The following RAPGEF2 variants were observed in gnomAD, a reference collection of about 807,000 sequenced individuals.
RAPGEF2 encodes the protein Rap guanine nucleotide exchange factor 2.
A neutral mutation model predicts 186.7 loss-of-function variants in RAPGEF2; 54 were observed. That is an observed-to-expected ratio of 0.29 (90% CI 0.23 to 0.36). The LOEUF is 0.36. RAPGEF2 is among the 10% of genes least tolerant of loss of function. The pLI is 1.00. For missense variants in RAPGEF2, 1,532 were observed against 2,045.0 expected (o/e 0.75, Z 4.84); for synonymous variants, 712 against 705.9 (o/e 1.01, Z -0.14).
intron 4 of RAPGEF2, among the ~76,000 whole-genome samples, chr4:159,212,209 G>A (rs867902176): frequency 2.0e-5 from 3 of 152,140 alleles, no homozygotes; most frequent in East Asian, 1.9e-4. Flanking sequence ...TTCTGTTTTC[G>A]GCAGGAATGT....
chr4:159,173,300 A>G (rs1460800507), intron 1 of RAPGEF2, among the ~76,000 whole-genome samples: 1 of 152,120 alleles, frequency 6.6e-6, no homozygotes, highest in African/African-American at 2.4e-5. Context: ...GTCCTCAGTG[A>G]CCTATTCCGC....
chr4:159,255,003 C>T (rs565453024), intron 7 of RAPGEF2, among the ~76,000 whole-genome samples: 2 of 152,332 alleles, frequency 1.3e-5, no homozygotes, highest in East Asian at 1.9e-4. Flanking sequence ...AGTATTTTTA[C>T]TGTAGCTTTT....
At chr4:159,117,740 C>G (rs531986237) in intron 1 of RAPGEF2, among the ~76,000 whole-genome samples, 4 of 152,148 alleles carry the variant, frequency 2.6e-5, no homozygotes, top group African/African-American at 9.7e-5. Flanking sequence ...GGGCAGGTTA[C>G]TTCACCTTAG....
At chr4:159,117,138 T>C (rs2111082406) in intron 1 of RAPGEF2, among the ~76,000 whole-genome samples, 1 of 152,344 alleles carries the variant, frequency 6.6e-6, no homozygotes, top group African/African-American at 2.4e-5. Flanking sequence ...TAAAAACTTG[T>C]GAGTTTAAAA....
At chr4:159,133,068 T>C (rs951073244) in intron 1 of RAPGEF2, among the ~76,000 whole-genome samples, 1 of 152,182 alleles carries the variant, frequency 6.6e-6, no homozygotes, top group African/African-American at 2.4e-5. Context: ...CATATTTTTC[T>C]TCTTCTCAAG....
intron 4 of RAPGEF2, among the ~76,000 whole-genome samples, chr4:159,230,682 C>A (rs936001663): frequency 6.6e-6 from 1 of 152,080 alleles, no homozygotes; most frequent in Non-Finnish European, 1.5e-5. Flanking sequence ...TGTAATTTTG[C>A]TGAATTTGAA....
intron 7 of RAPGEF2, among the ~76,000 whole-genome samples, chr4:159,268,814 G>A (rs918162350): frequency 3.9e-5 from 6 of 151,978 alleles, no homozygotes; most frequent in South Asian, 4.1e-4. Context: ...GGCAGCTACC[G>A]AGAAAGACTT....
In RAPGEF2 at chr4:159,332,433, T is replaced by G; in HGVS notation, c.1889-18T>G. 6.2e-7 allele frequency: 1 copy of G among 1,602,428 alleles called. No individual in the cohort carries two copies. The highest frequency in any genetic ancestry group is 1.7e-4 in the Middle Eastern group (1 of 5,990). ...TATAATTGCCATTACGTGGTGTTTC[T>G]GTTTTCATTTATTTTAGTATTTAAA... On this transcript the variant is annotated intron_variant, in intron 16 of 29. Transcript: ENST00000691494.
intron 1 of RAPGEF2, among the ~76,000 whole-genome samples, chr4:159,122,579 C>T (rs192803006): frequency 2.0e-5 from 3 of 152,212 alleles, no homozygotes; most frequent in Non-Finnish European, 4.4e-5. Flanking sequence ...TCTAAAGATG[C>T]AGCATTAAAT....
intron 7 of RAPGEF2, among the ~76,000 whole-genome samples, chr4:159,293,382 A>G (rs1417072262): frequency 6.6e-6 from 1 of 152,236 alleles, no homozygotes; most frequent in Non-Finnish European, 1.5e-5. Flanking sequence ...GCATGACAGC[A>G]TGGGCTTTAT....
At chr4:159,275,670 C>T (rs1758766623) in intron 7 of RAPGEF2, among the ~76,000 whole-genome samples, 1 of 152,014 alleles carries the variant, frequency 6.6e-6, no homozygotes, top group African/African-American at 2.4e-5. Context: ...TTTTCTTACT[C>T]TTCTATAATA....
chr4:159,127,555 A>G (rs1740488389), intron 1 of RAPGEF2, among the ~76,000 whole-genome samples: 1 of 152,130 alleles, frequency 6.6e-6, no homozygotes, highest in African/African-American at 2.4e-5. Flanking sequence ...TCTTCTGGGC[A>G]TTCCTTGGCA....
At chr4:159,182,322 T>C (rs1725450840) in intron 1 of RAPGEF2, among the ~76,000 whole-genome samples, 1 of 152,054 alleles carries the variant, frequency 6.6e-6, no homozygotes, top group Non-Finnish European at 1.5e-5. Flanking sequence ...CATAACATTG[T>C]TTTAAGGAGT....
At chr4:159,301,770 G>A (rs2111034920) in intron 7 of RAPGEF2, among the ~76,000 whole-genome samples, 1 of 152,214 alleles carries the variant, frequency 6.6e-6, no homozygotes, top group African/African-American at 2.4e-5. Flanking sequence ...GAGGTGGAAG[G>A]ATCACTTCAG....
At chr4:159,170,152 A>T (rs1316462968) in intron 1 of RAPGEF2, among the ~76,000 whole-genome samples, 2 of 150,152 alleles carry the variant, frequency 1.3e-5, no homozygotes, top group Non-Finnish European at 3.0e-5. Flanking sequence ...CATTTCTTGG[A>T]TGATTAGTGA....
chr4:159,172,381 C>CT (rs1745998503), intron 1 of RAPGEF2, among the ~76,000 whole-genome samples: 1 of 152,152 alleles, frequency 6.6e-6, no homozygotes, highest in South Asian at 2.1e-4. Context: ...GTTCTCCTAC[C>CT]TTCCCTATTC....
intron 7 of RAPGEF2, among the ~76,000 whole-genome samples, chr4:159,277,099 T>C (rs544992681): frequency 1.6e-5 from 2 of 125,988 alleles, no homozygotes; most frequent in Non-Finnish European, 3.2e-5. Flanking sequence ...ACAGGCCCAG[T>C]TGTGTGATGT....
chr4:159,268,477 G>T (rs1757707464), intron 7 of RAPGEF2, among the ~76,000 whole-genome samples: 1 of 152,066 alleles, frequency 6.6e-6, no homozygotes, highest in South Asian at 2.1e-4. Flanking sequence ...TTTATATTTA[G>T]AAACTAAAGC....
At chr4:159,287,979 T>C (rs1473280958) in intron 7 of RAPGEF2, among the ~76,000 whole-genome samples, 1 of 152,212 alleles carries the variant, frequency 6.6e-6, no homozygotes, top group African/African-American at 2.4e-5. Flanking sequence ...CTTTCACATC[T>C]GTTTTCCATT....
Sources: gnomAD v4.1 joint callset for allele counts (sites outside exome capture counted in the v4.1 genomes callset) on GRCh38, gnomAD v4.1.1 for gene constraint, MANE v1.5 for transcripts, NCBI Gene and HGNC (gene_info 2026-07-23, HGNC 2026-07-21) for gene names.